The following DNAH17 variants were observed in gnomAD, a reference collection of about 807,000 sequenced individuals.
DNAH17 encodes dynein axonemal heavy chain 17.
A neutral mutation model predicts 485.6 loss-of-function variants in DNAH17; 376 were observed. The observed-to-expected ratio is 0.77, with a 90% CI of 0.71 to 0.84. DNAH17 has a LOEUF of 0.84. Ranked by LOEUF, DNAH17 falls within the 40% of genes least tolerant of loss-of-function variation. The probability of loss-of-function intolerance (pLI) is 0.00; values close to 1 mark genes in which losing one functional copy is unlikely to be tolerated. For synonymous variants in DNAH17, 3,031 were observed against 2,405.9 expected (o/e 1.26, Z -7.60); for missense variants, 6,370 against 5,839.3 (o/e 1.09, Z -2.96).
intron 16 of DNAH17, among the ~76,000 whole-genome samples, chr17:78,544,520 T>TG (rs776964536): frequency 4.6e-5 from 7 of 152,152 alleles, no homozygotes; most frequent in Admixed American, 6.6e-5. Flanking sequence ...GGTGGCCACT[T>TG]GGCCGGGCGC....
intron 55 of DNAH17, among the ~76,000 whole-genome samples, chr17:78,467,561 G>C (rs1474084164): frequency 6.6e-6 from 1 of 152,156 alleles, no homozygotes; most frequent in Non-Finnish European, 1.5e-5. Flanking sequence ...AGAGGGGAGG[G>C]AGGACCCTGC....
intron 16 of DNAH17, among the ~76,000 whole-genome samples, chr17:78,545,950 C>G (rs2143509525): frequency 6.6e-6 from 1 of 150,382 alleles, no homozygotes; most frequent in African/African-American, 2.4e-5. Flanking sequence ...GTATATATGT[C>G]TGTGAATAAG....
chr17:78,519,849 C>T (rs1314367263), intron 25 of DNAH17, among the ~76,000 whole-genome samples: 1 of 152,190 alleles, frequency 6.6e-6, no homozygotes, highest in African/African-American at 2.4e-5. Flanking sequence ...GTGGCTCACG[C>T]CTGTAATCCC....
At chr17:78,459,570 G>T (rs1043940543) in intron 60 of DNAH17, among the ~76,000 whole-genome samples, 5 of 152,182 alleles carry the variant, frequency 3.3e-5, no homozygotes, top group Non-Finnish European at 7.3e-5. Context: ...ACCTCTGTGG[G>T]GCCTGGCTGG....
At chr17:78,463,473 C>G (rs750718792) in intron 56 of DNAH17, among the ~76,000 whole-genome samples, 1 of 150,008 alleles carries the variant, frequency 6.7e-6, no homozygotes, top group Non-Finnish European at 1.5e-5. Context: ...CACGTGCATA[C>G]GCATTCACAT....
At chr17:78,494,245 G>A in intron 40 of DNAH17, 72 bp from the exon 41 acceptor site, 1 of 1,558,406 alleles carries the variant, frequency 6.4e-7, no homozygotes, top group South Asian at 1.2e-5. Context: ...GAGGCTGGGG[G>A]GCTTCCTGCC....
intron 36 of DNAH17, chr17:78,499,365 G>A: frequency 2.8e-6 from 1 of 352,774 alleles, no homozygotes; most frequent in South Asian, 1.0e-4. Flanking sequence ...GGACTTCCTG[G>A]AGTCCCTAAT....
At chr17:78,551,425 T>A (rs2091898951) in intron 16 of DNAH17, 110 bp downstream of exon 16, 1 of 950,100 alleles carries the variant, frequency 1.1e-6, no homozygotes, top group African/African-American at 1.6e-5. Flanking sequence ...CAGCTCCCAC[T>A]GCACCCCACA....
chr17:78,451,640 G>C lies in DNAH17; in HGVS notation c.10563C>G (p.Tyr3521Ter). The change falls in exon 66 of 81, where the codon TAC becomes TAG. Residue 3521 changes from tyrosine to a stop codon, truncating the protein, a stop_gained. Coordinates refer to ENST00000389840, the MANE Select transcript of DNAH17 (RefSeq NM_173628.4). LOFTEE classifies it high-confidence loss of function. ...YIKIGDKEVEYHPKFRLILHT... is the reference protein window; with the variant it reads ...YIKIGDKEVE Reference sequence around the variant, plus strand: ...GTAGGATCAGGCGGAACTTGGGGTGGTACTCCACCTCCTTGTCACCGATCT... The same window carrying C: ...GTAGGATCAGGCGGAACTTGGGGTGCTACTCCACCTCCTTGTCACCGATCT... 6.3e-7 allele frequency: 1 copy of C among 1,591,028 alleles called. No individual in the cohort carries two copies. The highest frequency in any genetic ancestry group is 8.6e-7 in the Non-Finnish European group (1 of 1,168,626).
chr17:78,488,157 G>A (rs8080591), intron 44 of DNAH17, among the ~76,000 whole-genome samples: 46,757 of 152,072 alleles, frequency 0.31, 7,503 homozygotes, highest in Middle Eastern at 0.39. Context: ...GTGCGGGTCG[G>A]TGTGTGTGCT....
chr17:78,469,133 C>T (rs1038406300), intron 54 of DNAH17, among the ~76,000 whole-genome samples: 3 of 151,444 alleles, frequency 2.0e-5, no homozygotes, highest in African/African-American at 7.3e-5. Flanking sequence ...GGCCAACTTT[C>T]TTTTTTCTGT....
At chr17:78,495,647 G>A (rs1598583690) in intron 38 of DNAH17, among the ~76,000 whole-genome samples, 1 of 151,950 alleles carries the variant, frequency 6.6e-6, no homozygotes, top group Admixed American at 6.6e-5. Context: ...CATCTTGACC[G>A]GGCTGGTCTT....
chr17:78,428,174 G>GCTGGC (rs1282684268), intron 77 of DNAH17: 1 of 376,082 alleles, frequency 2.7e-6, no homozygotes, highest in African/African-American at 2.1e-5. Context: ...CTGCTGTTGT[G>GCTGGC]CTGGCCAGGC....
chr17:78,425,739 C>T (rs1452861855), intron 79 of DNAH17, 168 bp from the exon 80 acceptor site: 7 of 478,982 alleles, frequency 1.5e-5, no homozygotes, highest in African/African-American at 9.0e-5. Flanking sequence ...CCTACCATGA[C>T]GCAACTTTGG....
intron 54 of DNAH17, among the ~76,000 whole-genome samples, chr17:78,472,364 C>T (rs1298885378): frequency 8.8e-5 from 13 of 147,510 alleles, no homozygotes; most frequent in African/African-American, 2.3e-4. Context: ...TTGGGAGTGG[C>T]GGGTGCGAGA....
At chr17:78,537,006 T>C (rs147445089) in intron 19 of DNAH17, among the ~76,000 whole-genome samples, 4 of 151,290 alleles carry the variant, frequency 2.6e-5, no homozygotes, top group Non-Finnish European at 5.9e-5. Flanking sequence ...AAACCCAGTC[T>C]CTACTAAAAA....
rs1303820001 is a variant in DNAH17 at position 78,475,964 on chromosome 17, G to A, written c.8155-131C>T. ...ACGGGGTCCCAGGCCAAGTCTCCAGGGGCCCAAACCTGCTGCCGTGGGCCC... is the reference window on the plus strand; with the variant it reads ...ACGGGGTCCCAGGCCAAGTCTCCAGAGGCCCAAACCTGCTGCCGTGGGCCC... On this transcript the variant is annotated intron_variant, in intron 52 of 80. Coordinates refer to ENST00000389840, the MANE Select transcript of DNAH17 (RefSeq NM_173628.4). 3 of 1,064,612 alleles carry A rather than the reference G, an allele frequency of 2.8e-6. No individual in the cohort carries two copies. The East Asian group carries it at 7.8e-5, about 28-fold the overall frequency. The allele number at this position is 1,064,612 out of a possible 1,614,324, so 65.9% of individuals were successfully genotyped here. A position where few individuals can be genotyped will look rare whatever the true frequency, so the allele number is the denominator to read the frequency against.
rs186768969 is a variant in DNAH17, at chr17:78,532,555, G to T, written c.3041C>A (p.Ala1014Glu). 2 of 1,610,220 alleles carry T rather than the reference G, an allele frequency of 1.2e-6. No individual in the cohort carries two copies. Among genetic ancestry groups the T allele is most frequent in the Non-Finnish European group, 1.7e-6 (2 of 1,178,444 alleles). The change falls in exon 20 of 81, where the codon GCG becomes GAG. Residue 1014 changes from alanine (A) to glutamate (E), a missense_variant. By Grantham distance (107) the Ala-to-Glu change is moderately radical (BLOSUM62 -1). Coordinates refer to ENST00000389840, the MANE Select transcript of DNAH17 (RefSeq NM_173628.4). ...ATCTGTCCAGGTGTCCAAGTCCTCC[G>T]CAGTGACTGCACACCCATATATCAG... is the stretch of plus-strand genomic sequence containing the variant. ...NFLIYGCAVT[A>E]EDLDTWTDDT...
chr17:78,503,512 G>C (rs1412780944), intron 31 of DNAH17, among the ~76,000 whole-genome samples: 2 of 151,800 alleles, frequency 1.3e-5, no homozygotes, highest in Non-Finnish European at 2.9e-5. Flanking sequence ...ATTGAGATAG[G>C]ATCTCGCTCT....
Sources: allele counts gnomAD v4.1 joint callset (sites outside exome capture counted in the v4.1 genomes callset), GRCh38; gene constraint gnomAD v4.1.1; transcripts MANE v1.5; gene names NCBI Gene and HGNC (gene_info 2026-07-23, HGNC 2026-07-21).